ITGA8: variants seen among roughly 807,000 people sequenced by gnomAD.
The protein encoded by ITGA8 is integrin alpha-8.
A neutral mutation model predicts 142.3 loss-of-function variants in ITGA8; 91 were observed. That is an observed-to-expected ratio of 0.64 (90% CI 0.54 to 0.76). The LOEUF (loss-of-function observed/expected upper bound fraction) is 0.76, where lower values mean the gene tolerates loss of function less well. Ranked by LOEUF, ITGA8 falls within the 30% of genes least tolerant of loss-of-function variation. The pLI, the probability that ITGA8 is intolerant of heterozygous loss-of-function variation, is 0.00. For missense variants in ITGA8, 1,406 were observed against 1,327.7 expected, an observed-to-expected ratio of 1.06 and a Z score of -0.92; for synonymous variants, 505 against 485.2, an observed-to-expected ratio of 1.04 and a Z score of -0.54.
chr10:15,586,804 C>T (rs1832840483), intron 22 of ITGA8, 140 bp from the exon 23 acceptor site: 1 of 550,456 alleles, frequency 1.8e-6, no homozygotes, highest in Non-Finnish European at 3.3e-6. Flanking sequence ...TATTCATTCT[C>T]CAAAATCGTA....
chr10:15,529,983 G>C (rs1297442202), intron 28 of ITGA8, among the ~76,000 whole-genome samples: 1 of 152,244 alleles, frequency 6.6e-6, no homozygotes, highest in Non-Finnish European at 1.5e-5. Context: ...GGGGGACCAA[G>C]AGTTCAAGCT....
chr10:15,621,629 A>C (rs905828924), intron 13 of ITGA8, among the ~76,000 whole-genome samples: 1 of 152,122 alleles, frequency 6.6e-6, no homozygotes, highest in Non-Finnish European at 1.5e-5. Context: ...GGCAGGAAAC[A>C]GTGAAGGGAG....
At chr10:15,524,875 C>A (rs1687168852) in intron 28 of ITGA8, among the ~76,000 whole-genome samples, 1 of 152,030 alleles carries the variant, frequency 6.6e-6, no homozygotes. Flanking sequence ...TTTTGACAAA[C>A]CTACAGGAAG....
chr10:15,678,175 T>TAAAAAC (rs1834667664), intron 5 of ITGA8, among the ~76,000 whole-genome samples: 1 of 152,084 alleles, frequency 6.6e-6, no homozygotes, highest in Non-Finnish European at 1.5e-5. Flanking sequence ...GTGGAAAATA[T>TAAAAAC]AAAAACAAAA....
At chr10:15,550,729 ATGC>A (rs1366628829) in intron 26 of ITGA8, among the ~76,000 whole-genome samples, 1 of 152,188 alleles carries the variant, frequency 6.6e-6, no homozygotes, top group African/African-American at 2.4e-5. Context: ...CTTCCTATGC[ATGC>A]TAAGGAGTTT....
At chr10:15,651,560 T>C (rs115060644) in intron 11 of ITGA8, among the ~76,000 whole-genome samples, 2,159 of 152,222 alleles carry the variant, frequency 0.014, 35 homozygotes, top group African/African-American at 0.048. Flanking sequence ...GTTGAGATTT[T>C]GGAGCTCTTT....
intron 2 of ITGA8, among the ~76,000 whole-genome samples, chr10:15,696,598 A>G (rs1269377648): frequency 6.6e-6 from 1 of 152,164 alleles, no homozygotes; most frequent in East Asian, 1.9e-4. Flanking sequence ...CTCTACTTCA[A>G]GACAATAATT....
intron 27 of ITGA8, among the ~76,000 whole-genome samples, chr10:15,537,269 T>C (rs116591753): frequency 0.011 from 1,650 of 152,312 alleles, 25 homozygotes; most frequent in African/African-American, 0.038. Flanking sequence ...TAGGCCCCAA[T>C]GTACAGTGTA....
intron 2 of ITGA8, 64 bp from the exon 3 acceptor site, chr10:15,688,102 T>C (rs1377692993): frequency 1.9e-6 from 2 of 1,067,056 alleles, no homozygotes. Context: ...AAACACATAA[T>C]AAATTTGTAC....
intron 23 of ITGA8, among the ~76,000 whole-genome samples, chr10:15,585,555 C>T (rs916580061): frequency 2.5e-4 from 38 of 152,160 alleles, no homozygotes; most frequent in African/African-American, 8.4e-4. Flanking sequence ...AGGAAGGAAA[C>T]CAGCATTCTG....
At chr10:15,560,533 T>C (rs1833956402) in intron 25 of ITGA8, among the ~76,000 whole-genome samples, 1 of 152,194 alleles carries the variant, frequency 6.6e-6, no homozygotes, top group African/African-American at 2.4e-5. Flanking sequence ...CAACACTATT[T>C]ATAATAGAGA....
intron 3 of ITGA8, among the ~76,000 whole-genome samples, chr10:15,684,640 T>C (rs981916403): frequency 3.3e-5 from 5 of 152,164 alleles, no homozygotes; most frequent in Non-Finnish European, 7.3e-5. Flanking sequence ...CCTCAAGTGC[T>C]GGAAATATAG....
chr10:15,566,414 T>C (rs913645348), intron 25 of ITGA8, among the ~76,000 whole-genome samples: 9 of 152,214 alleles, frequency 5.9e-5, no homozygotes, highest in Non-Finnish European at 8.8e-5. Flanking sequence ...AGGTTATATG[T>C]GGGCATCTTA....
intron 3 of ITGA8, among the ~76,000 whole-genome samples, 164 bp downstream of exon 3, chr10:15,687,773 AT>A (rs1834857990): frequency 6.6e-6 from 1 of 152,232 alleles, no homozygotes; most frequent in African/African-American, 2.4e-5. Context: ...ACTAAAATAC[AT>A]TCTTTAATTT....
chr10:15,517,236 GAATCCAC>G lies in ITGA8; in HGVS notation c.3107_3113del (p.Cys1036SerfsTer12). The G allele has an allele frequency of 6.2e-7, 1 of 1,610,590 alleles. No individual in the cohort carries two copies. On this transcript the variant is annotated frameshift_variant and splice_region_variant, in exon 30 of 30. Coordinates refer to ENST00000378076, the MANE Select transcript of ITGA8 (RefSeq NM_003638.3). LOFTEE classifies it high-confidence loss of function. ...CCTGAGGAGGTCTGGCTCTGTCAAA[GAATCCAC>G]ACTATAAAGGGAAAGATGGGCTATA... is the stretch of plus-strand genomic sequence containing the variant.
At chr10:15,649,874 G>T (rs979624514) in intron 11 of ITGA8, among the ~76,000 whole-genome samples, 1 of 152,166 alleles carries the variant, frequency 6.6e-6, no homozygotes, top group African/African-American at 2.4e-5. Flanking sequence ...CATTTTGGAA[G>T]ACAGTCTAGC....
intron 13 of ITGA8, among the ~76,000 whole-genome samples, chr10:15,627,384 A>G (rs952632174): frequency 2.0e-5 from 3 of 152,214 alleles, no homozygotes; most frequent in Non-Finnish European, 2.9e-5. Context: ...TTCACTCTTT[A>G]GTCTGTGGTC....
chr10:15,638,782 G>C (rs1833816707), intron 13 of ITGA8, among the ~76,000 whole-genome samples: 2 of 152,144 alleles, frequency 1.3e-5, no homozygotes, highest in South Asian at 4.1e-4. Flanking sequence ...GATCTACTTA[G>C]AATGGAGAAT....
intron 27 of ITGA8, among the ~76,000 whole-genome samples, chr10:15,539,764 A>G (rs1833531308): frequency 6.6e-6 from 1 of 152,130 alleles, no homozygotes; most frequent in East Asian, 1.9e-4. Context: ...GGTATCTGTC[A>G]CCTCAAACAT....
Sources: allele counts gnomAD v4.1 joint callset (sites outside exome capture counted in the v4.1 genomes callset), GRCh38; gene constraint gnomAD v4.1.1; transcripts MANE v1.5; gene names NCBI Gene and HGNC (gene_info 2026-07-23, HGNC 2026-07-21).